Variants in ANGPT2 observed in about 807,000 individuals in gnomAD.
The protein encoded by ANGPT2 is angiopoietin 2.
In ANGPT2, 28 loss-of-function variants were observed where a neutral mutation model predicts 62.9. The observed-to-expected ratio is 0.44, with a 90% CI of 0.33 to 0.61. The LOEUF (loss-of-function observed/expected upper bound fraction) is 0.61. Ranked by LOEUF, ANGPT2 falls within the 20% of genes least tolerant of loss-of-function variation. ANGPT2 has a pLI of 0.03. For synonymous variants in ANGPT2, 284 were observed against 207.8 expected (o/e 1.37, Z -3.15); for missense variants, 727 against 594.9 (o/e 1.22, Z -2.31).
chr8:6,543,851 A>G (rs1190646117), intron 1 of ANGPT2, among the ~76,000 whole-genome samples: 3 of 152,188 alleles, frequency 2.0e-5, no homozygotes, highest in Non-Finnish European at 4.4e-5. Flanking sequence ...ATGGACTTTA[A>G]GGAGCTGTAC....
chr8:6,520,490 G>A (rs1300633464), intron 4 of ANGPT2, among the ~76,000 whole-genome samples: 1 of 152,010 alleles, frequency 6.6e-6, no homozygotes, highest in East Asian at 1.9e-4. Flanking sequence ...CCTCCTCCCA[G>A]GTTTAAGTGA....
chr8:6,563,188 T>A lies in ANGPT2; in HGVS notation c.-254A>T, dbSNP rs115817715. The stretch of plus-strand genomic sequence containing the variant: ...TCACTTGGGAGGGCTGTGTCAGCTT[T>A]TACAGAGCAGCTTTCACGGTCCTTT... On this transcript the variant is annotated 5_prime_UTR_variant, in exon 1 of 9. Transcript: ENST00000629816. The A allele has an allele frequency of 5.8e-3, 1,998 of 342,420 alleles. 33 individuals are homozygous for A. The highest frequency in any genetic ancestry group is 0.037 in the African/African-American group (1,857 of 49,526). The allele number at this position is 342,420 out of a possible 1,614,324, so 21.2% of individuals were successfully genotyped here. A position where few individuals can be genotyped will look rare whatever the true frequency, so the allele number is the denominator to read the frequency against.
intron 8 of ANGPT2, among the ~76,000 whole-genome samples, chr8:6,504,655 C>T (rs762227119): frequency 6.6e-6 from 1 of 152,028 alleles, no homozygotes; most frequent in African/African-American, 2.4e-5. Context: ...AAGTTCCTGA[C>T]TTAATAAGGA....
At chr8:6,503,921 A>G (rs1472932100) in intron 8 of ANGPT2, among the ~76,000 whole-genome samples, 1 of 152,244 alleles carries the variant, frequency 6.6e-6, no homozygotes, top group African/African-American at 2.4e-5. Context: ...TGTGAGAGAA[A>G]GAAACACAGT....
chr8:6,533,071 A>C (rs1421057110), intron 1 of ANGPT2, among the ~76,000 whole-genome samples: 1 of 152,200 alleles, frequency 6.6e-6, no homozygotes, highest in Non-Finnish European at 1.5e-5. Context: ...GTATTGAGTT[A>C]ATTCGACCTA....
At chr8:6,535,561 G>A (rs1301562470) in intron 1 of ANGPT2, among the ~76,000 whole-genome samples, 1 of 152,108 alleles carries the variant, frequency 6.6e-6, no homozygotes, top group Non-Finnish European at 1.5e-5. Flanking sequence ...CACATGATGT[G>A]TGTATATACA....
chr8:6,524,942 AG>A (rs1195896034), intron 3 of ANGPT2, among the ~76,000 whole-genome samples: 2 of 152,172 alleles, frequency 1.3e-5, no homozygotes, highest in African/African-American at 2.4e-5. Flanking sequence ...CTGTGTCACA[AG>A]GGCAGACACC....
chr8:6,527,339 AG>A (rs1249147836), intron 3 of ANGPT2, among the ~76,000 whole-genome samples: 4 of 152,256 alleles, frequency 2.6e-5, no homozygotes, highest in Admixed American at 1.3e-4. Flanking sequence ...TTAAGGGGCC[AG>A]GGAATGAAAG....
intron 1 of ANGPT2, among the ~76,000 whole-genome samples, chr8:6,553,665 ATTT>A (rs752171739): frequency 1.4e-5 from 2 of 142,958 alleles, no homozygotes; most frequent in South Asian, 2.3e-4. Context: ...TGGTCTCAAA[ATTT>A]TTTTTTTTTT....
At chr8:6,520,054 TCAAGAGC>T in intron 4 of ANGPT2, 63 bp from the exon 5 acceptor site, 1 of 1,576,324 alleles carries the variant, frequency 6.3e-7, no homozygotes, top group Non-Finnish European at 8.7e-7. Context: ...ACTTGTTATT[TCAAGAGC>T]CAATCATTTG....
Position 6,499,697 on chromosome 8 carries a change from A to G in ANGPT2, c.*3404T>C. 2 of 659,588 alleles carry G rather than the reference A, an allele frequency of 3.0e-6. No homozygotes were observed. The highest frequency in any genetic ancestry group is 5.5e-6 in the Non-Finnish European group (2 of 366,844). 40.9% of individuals were successfully genotyped at this position (659,588 alleles called of 1,614,324 possible). A position where few individuals can be genotyped will look rare whatever the true frequency, so the allele number is the denominator to read the frequency against. ...TTAATATTCATAACATTTATGCAAC[A>G]TGAAGATTCTGAAGGGACTTTGTTG... is the stretch of plus-strand genomic sequence containing the variant. On this transcript the variant is annotated 3_prime_UTR_variant, in exon 9 of 9. Transcript: ENST00000629816.
In ANGPT2 at chr8:6,503,032, G is replaced by A; in HGVS notation, c.*69C>T. ...GGAAGAGGACACAGTGCGCAGCCGT[G>A]ACTTTCAGTGCACTGGGCTTAAGTC... On this transcript the variant is annotated 3_prime_UTR_variant, in exon 9 of 9. Transcript: ENST00000629816. 1.3e-6 allele frequency: 2 copies of A among 1,580,782 alleles called. No homozygotes were observed. The highest frequency in any genetic ancestry group is 2.2e-5 in the East Asian group (1 of 44,698).
At chr8:6,560,074 T>G (rs1237661849) in intron 1 of ANGPT2, among the ~76,000 whole-genome samples, 1 of 152,220 alleles carries the variant, frequency 6.6e-6, no homozygotes, top group South Asian at 2.1e-4. Context: ...TACTATTTAT[T>G]TGCCCTAAAA....
At position 6,559,547 on chromosome 8, in the gene ANGPT2, C is replaced by T. The variant is rs373037343; in HGVS notation, c.288+3100G>A. Among the ~76,000 whole-genome samples, 213 of 152,062 alleles carry T rather than the reference C, an allele frequency of 1.4e-3. 2 individuals carry two copies. Among genetic ancestry groups the T allele is most frequent in the African/African-American group, 5.0e-3 (208 of 41,490 alleles). On this transcript the variant is annotated intron_variant, in intron 1 of 8. Coordinates refer to ENST00000629816, the MANE Select transcript of ANGPT2 (RefSeq NM_001118887.2). ...CGATGGCAGAGGAAATGTTTGCCTCCGTAGTAGGCATCAACTTTATTTTTC... is the reference window on the plus strand; with the variant it reads ...CGATGGCAGAGGAAATGTTTGCCTCTGTAGTAGGCATCAACTTTATTTTTC...
Position 6,521,406 on chromosome 8 carries a change from G to A in ANGPT2, c.571C>T (p.Leu191=), listed in dbSNP as rs1347046860. 1.2e-6 allele frequency: 2 copies of A among 1,606,434 alleles called. No individual in the cohort carries two copies. The highest frequency in any genetic ancestry group is 1.7e-5 in the Admixed American group (1 of 59,266). The change falls in exon 4 of 9, where the codon CTA becomes TTA. Residue 191 remains leucine (L), a synonymous_variant. Coordinates refer to ENST00000629816, the MANE Select transcript of ANGPT2 (RefSeq NM_001118887.2). The part of the protein sequence containing the change: ...INKLQDKNSF[L]EKKVLAMEDK... ...TCCATAGCTAGCACCTTCTTTTCTAGGAAACTTGTAAGGAAAAGAATTGTT... is the reference window on the plus strand; with the variant it reads ...TCCATAGCTAGCACCTTCTTTTCTAAGAAACTTGTAAGGAAAAGAATTGTT...
At chr8:6,519,550 G>A (rs1816908124) in intron 5 of ANGPT2, among the ~76,000 whole-genome samples, 1 of 152,208 alleles carries the variant, frequency 6.6e-6, no homozygotes, top group African/African-American at 2.4e-5. Context: ...TTAAGGAAAT[G>A]AGTCTGACAC....
intron 5 of ANGPT2, among the ~76,000 whole-genome samples, chr8:6,519,386 A>G (rs1159222532): frequency 6.6e-6 from 1 of 152,232 alleles, no homozygotes; most frequent in African/African-American, 2.4e-5. Flanking sequence ...AGCTAACTGT[A>G]CAAGTCACTA....
intron 8 of ANGPT2, among the ~76,000 whole-genome samples, chr8:6,503,800 G>C (rs2959793): frequency 2.0e-5 from 3 of 152,010 alleles, no homozygotes; most frequent in Admixed American, 2.0e-4. Flanking sequence ...GTGTGTGCTC[G>C]CTCAGCTAAA....
chr8:6,504,587 G>A (rs1812896096), intron 8 of ANGPT2, among the ~76,000 whole-genome samples: 1 of 152,058 alleles, frequency 6.6e-6, no homozygotes, highest in Admixed American at 6.5e-5. Flanking sequence ...TGATGATGCT[G>A]GCAATTCAGA....
Sources: allele counts gnomAD v4.1 joint callset (sites outside exome capture counted in the v4.1 genomes callset), GRCh38; gene constraint gnomAD v4.1.1; transcripts MANE v1.5; gene names NCBI Gene and HGNC (gene_info 2026-07-23, HGNC 2026-07-21).